GPC6: variants seen among roughly 807,000 people sequenced by gnomAD.
The protein encoded by GPC6 is glypican 6.
In GPC6, 14 loss-of-function variants were observed where a neutral mutation model predicts 55.2. That is an observed-to-expected ratio of 0.25 (90% CI 0.17 to 0.40). The LOEUF is 0.40. GPC6 is among the 10% of genes least tolerant of loss of function. The pLI is 1.00. For missense variants in GPC6, 641 were observed against 708.5 expected (o/e 0.90, Z 1.08); for synonymous variants, 278 against 259.6 (o/e 1.07, Z -0.68).
intron 1 of GPC6, among the ~76,000 whole-genome samples, chr13:93,503,348 C>G (rs367773534): frequency 2.6e-5 from 4 of 152,166 alleles, no homozygotes; most frequent in African/African-American, 9.7e-5. Context: ...CAGCAGTTAG[C>G]ACAATTTTCT....
intron 2 of GPC6, among the ~76,000 whole-genome samples, chr13:93,786,272 C>T (rs1449031905): frequency 1.3e-5 from 2 of 152,098 alleles, no homozygotes; most frequent in Non-Finnish European, 2.9e-5. Flanking sequence ...AACTTCCAGA[C>T]AGTTTGCATC....
intron 1 of GPC6, among the ~76,000 whole-genome samples, chr13:93,389,703 C>T (rs182061928): frequency 7.9e-5 from 12 of 151,508 alleles, no homozygotes; most frequent in Non-Finnish European, 1.5e-4. Context: ...AGGTAGTTTA[C>T]TATATCTATT....
intron 1 of GPC6, among the ~76,000 whole-genome samples, chr13:93,274,884 A>G (rs1433774590): frequency 1.3e-5 from 2 of 152,210 alleles, no homozygotes; most frequent in Non-Finnish European, 2.9e-5. Context: ...GCTTTAACAT[A>G]GTAATGTTAT....
chr13:93,316,562 T>A lies in GPC6; in HGVS notation c.160+88946T>A, dbSNP rs367578435. Among the ~76,000 whole-genome samples the A allele has an allele frequency of 5.9e-5, 9 of 152,076 alleles. No individual in the cohort carries two copies. In the East Asian group the frequency reaches 1.7e-3, roughly 29 times the overall value. On this transcript the variant is annotated intron_variant, in intron 1 of 8. Transcript: ENST00000377047. ...GAAAAAATGATGAGAGTGTTTATAC[T>A]CTAAACTGCTATCATCATTGGAAAA...
chr13:93,218,914 A>G, the GPC6 span, among the ~76,000 whole-genome samples: 2 of 152,196 alleles, frequency 1.3e-5, no homozygotes, highest in African/African-American at 4.8e-5. Flanking sequence ...ATGGCCTAAT[A>G]GATGACATTC....
intron 1 of GPC6, among the ~76,000 whole-genome samples, chr13:93,455,714 T>A (rs1878424286): frequency 6.6e-6 from 1 of 152,108 alleles, no homozygotes; most frequent in Non-Finnish European, 1.5e-5. Context: ...GTGAGGCTGG[T>A]GGAAGGTCCT....
At chr13:93,581,738 C>T (rs1169164341) in intron 2 of GPC6, among the ~76,000 whole-genome samples, 3 of 152,054 alleles carry the variant, frequency 2.0e-5, no homozygotes, top group Admixed American at 6.6e-5. Context: ...TGTAAGGCAG[C>T]AATACAAAAC....
chr13:93,704,479 T>A (rs1005311134), intron 2 of GPC6, among the ~76,000 whole-genome samples: 1 of 151,970 alleles, frequency 6.6e-6, no homozygotes, highest in South Asian at 2.1e-4. Flanking sequence ...TTCACCTTTT[T>A]AAAAATATTA....
intron 4 of GPC6, among the ~76,000 whole-genome samples, chr13:94,183,882 A>G (rs1332049732): frequency 1.3e-5 from 2 of 152,320 alleles, no homozygotes; most frequent in East Asian, 3.9e-4. Flanking sequence ...GAAGGGGAGA[A>G]CAAGGGTTGA....
rs1889535910 is a variant in GPC6 at position 94,195,295 on chromosome 13, G to C, written c.878-91054G>C. On this transcript the variant is annotated intron_variant, in intron 4 of 8. Transcript: ENST00000377047. ...CTTTCCCCTTAACCAACCCCAGTAA[G>C]AAGCCATTGTGGGCATGGAAATTGG... 2.6e-5 allele frequency among the ~76,000 whole-genome samples: 4 copies of C among 152,098 alleles called. No individual in the cohort carries two copies. The South Asian group carries it at 8.3e-4, about 32-fold the overall frequency.
intron 2 of GPC6, among the ~76,000 whole-genome samples, chr13:93,677,483 TATATA>T (rs1881679536): frequency 6.6e-6 from 1 of 152,022 alleles, no homozygotes; most frequent in African/African-American, 2.4e-5. Flanking sequence ...AGGCTTATTA[TATATA>T]ATATAATACA....
At chr13:93,903,616 G>T (rs1291964376) in intron 3 of GPC6, among the ~76,000 whole-genome samples, 1 of 152,144 alleles carries the variant, frequency 6.6e-6, no homozygotes, top group Non-Finnish European at 1.5e-5. Context: ...CAGGACAAAT[G>T]ACTTAATGGA....
intron 3 of GPC6, among the ~76,000 whole-genome samples, chr13:93,996,602 CTCT>C (rs1444544138): frequency 6.6e-6 from 1 of 152,052 alleles, no homozygotes; most frequent in Non-Finnish European, 1.5e-5. Flanking sequence ...AAGCAAACTG[CTCT>C]GCTTATTAAC....
chr13:93,629,805 C>T (rs1235910042), intron 2 of GPC6, among the ~76,000 whole-genome samples: 1 of 152,158 alleles, frequency 6.6e-6, no homozygotes, highest in African/African-American at 2.4e-5. Flanking sequence ...TCACAGCATT[C>T]CTTTTTTTCT....
intron 7 of GPC6, among the ~76,000 whole-genome samples, chr13:94,391,417 C>T (rs1880638511): frequency 6.6e-6 from 1 of 152,122 alleles, no homozygotes; most frequent in Admixed American, 6.5e-5. Context: ...AGCCCTTATG[C>T]GCTTAACCGT....
At chr13:93,800,537 T>C (rs1886336495) in intron 2 of GPC6, among the ~76,000 whole-genome samples, 1 of 152,188 alleles carries the variant, frequency 6.6e-6, no homozygotes, top group African/African-American at 2.4e-5. Context: ...CAGAGATTAG[T>C]GTCAGGACAA....
chr13:93,360,527 G>A lies in GPC6; in HGVS notation c.160+132911G>A, dbSNP rs554197189. Reference sequence around the variant, plus strand: ...CCAGAGCCTATAAAATAATATCATGGATTTATGAAATATGAGAATTCTATT... The same window carrying A: ...CCAGAGCCTATAAAATAATATCATGAATTTATGAAATATGAGAATTCTATT... On this transcript the variant is annotated intron_variant, in intron 1 of 8. Transcript: ENST00000377047. Among the ~76,000 whole-genome samples the A allele has an allele frequency of 2.8e-3, 422 of 152,258 alleles. 4 individuals carry two copies. Among genetic ancestry groups the A allele is most frequent in the African/African-American group, 9.5e-3 (394 of 41,550 alleles).
At chr13:93,924,679 T>A (rs939548428) in intron 3 of GPC6, among the ~76,000 whole-genome samples, 6 of 145,830 alleles carry the variant, frequency 4.1e-5, no homozygotes, top group African/African-American at 7.6e-5. Flanking sequence ...ATTTCTTTTA[T>A]CTTTTTTCTT....
chr13:93,655,869 G>T (rs756363250), intron 2 of GPC6, among the ~76,000 whole-genome samples: 1 of 152,180 alleles, frequency 6.6e-6, no homozygotes, highest in Non-Finnish European at 1.5e-5. Flanking sequence ...TCAAATGATG[G>T]TCTTGTAGTA....
Sources: allele counts gnomAD v4.1 joint callset (sites outside exome capture counted in the v4.1 genomes callset), GRCh38; gene constraint gnomAD v4.1.1; transcripts MANE v1.5; gene names NCBI Gene and HGNC (gene_info 2026-07-23, HGNC 2026-07-21).